The following SASH1 variants were observed in gnomAD, a reference collection of about 807,000 sequenced individuals.
The protein encoded by SASH1 is SAM and SH3 domain-containing protein 1.
SASH1 carries 44 observed loss-of-function variants against 125.2 expected under a neutral mutation model. The ratio of observed to expected loss-of-function variants is 0.35; its 90% CI spans 0.28 to 0.45. SASH1 has a LOEUF of 0.45. SASH1 is among the 20% of genes least tolerant of loss of function. The probability of loss-of-function intolerance (pLI) is 1.00; values close to 1 mark genes in which losing one functional copy is unlikely to be tolerated. For synonymous variants in SASH1, 639 were observed against 649.1 expected (o/e 0.98, Z 0.24); for missense variants, 1,426 against 1,614.5 (o/e 0.88, Z 2.00).
chr6:148,207,865 G>T, the SASH1 span, among the ~76,000 whole-genome samples: 2 of 152,148 alleles, frequency 1.3e-5, no homozygotes, highest in Non-Finnish European at 2.9e-5. Flanking sequence ...GCTTGAGCTG[G>T]CTTGAGTCCC....
At chr6:148,417,105 C>T (rs1784850826) in intron 2 of SASH1, among the ~76,000 whole-genome samples, 1 of 152,142 alleles carries the variant, frequency 6.6e-6, no homozygotes, top group Non-Finnish European at 1.5e-5. Flanking sequence ...AACCCCTGCC[C>T]TGGGAGAAGA....
chr6:148,288,149 G>A (rs190714377), intron 1 of SASH1, among the ~76,000 whole-genome samples: 35 of 145,874 alleles, frequency 2.4e-4, no homozygotes, highest in Middle Eastern at 3.6e-3. Context: ...GAAAACCCGC[G>A]GGCCCCAGCT....
chr6:148,266,808 C>T, the SASH1 span, among the ~76,000 whole-genome samples: 1 of 151,152 alleles, frequency 6.6e-6, no homozygotes, highest in Non-Finnish European at 1.5e-5. Flanking sequence ...GATGATGTCT[C>T]ACTATGTTGC....
chr6:148,513,220 G>GT (rs1339146321), intron 8 of SASH1: 2 of 985,238 alleles, frequency 2.0e-6, no homozygotes, highest in African/African-American at 3.5e-5. Context: ...GCTTGTTTTT[G>GT]TTTTGTGTGT....
chr6:148,412,723 C>T (rs1784676259), intron 2 of SASH1, among the ~76,000 whole-genome samples: 1 of 152,080 alleles, frequency 6.6e-6, no homozygotes, highest in East Asian at 1.9e-4. Context: ...GGGATCCACC[C>T]CCATGACCCA....
rs535839024 is a variant in SASH1, at chr6:148,546,082, G to A, written c.3416G>A (p.Arg1139Gln). Residue 1139 changes from arginine (R) to glutamine (Q), a missense_variant, in exon 19 of 20, where the codon CGG becomes CAG. By Grantham distance (43) the Arg-to-Gln change is conservative (BLOSUM62 1). Transcript: ENST00000367467. ...RYAEDLDQPERDVAANMDQIR... is the reference protein window; with the variant it reads ...RYAEDLDQPEQDVAANMDQIR... ...GCAGAGGACTTGGATCAGCCCGAGC[G>A]GGACGTCGCCGCCAACATGGACCAG... The A allele has an allele frequency of 2.9e-5, 47 of 1,614,128 alleles. No individual in the cohort carries two copies. The highest frequency in any genetic ancestry group is 1.6e-4 in the Middle Eastern group (1 of 6,084).
intron 1 of SASH1, among the ~76,000 whole-genome samples, chr6:148,308,865 C>T (rs988512664): frequency 5.3e-5 from 8 of 150,842 alleles, no homozygotes; most frequent in African/African-American, 1.7e-4. Flanking sequence ...GGGTGAATCA[C>T]CTGAGGTCAG....
chr6:148,246,087 C>T, the SASH1 span, among the ~76,000 whole-genome samples: 2 of 152,124 alleles, frequency 1.3e-5, no homozygotes, highest in Non-Finnish European at 2.9e-5. Context: ...TACATGCATG[C>T]TCAGACTTCA....
chr6:148,474,629 T>C (rs1226645642), intron 7 of SASH1, among the ~76,000 whole-genome samples: 1 of 152,226 alleles, frequency 6.6e-6, no homozygotes, highest in Non-Finnish European at 1.5e-5. Context: ...TGTAGTGCAG[T>C]GGTGCAATCA....
At chr6:148,300,995 T>C (rs1779926119) in intron 1 of SASH1, among the ~76,000 whole-genome samples, 2 of 152,036 alleles carry the variant, frequency 1.3e-5, no homozygotes, top group Admixed American at 6.6e-5. Context: ...TGCTCTGTCA[T>C]CCAAGCTGGA....
the SASH1 span, among the ~76,000 whole-genome samples, chr6:148,254,102 G>A: frequency 6.6e-6 from 1 of 151,996 alleles, no homozygotes; most frequent in East Asian, 1.9e-4. Flanking sequence ...AGCTACTTGG[G>A]AGGCTGAGGC....
chr6:148,289,676 G>C (rs1779574807), intron 1 of SASH1, among the ~76,000 whole-genome samples: 1 of 152,102 alleles, frequency 6.6e-6, no homozygotes, highest in South Asian at 2.1e-4. Flanking sequence ...TGAAATACAG[G>C]AATCTAAAAA....
intron 2 of SASH1, among the ~76,000 whole-genome samples, chr6:148,416,374 C>G (rs917836725): frequency 6.6e-6 from 1 of 151,860 alleles, no homozygotes; most frequent in African/African-American, 2.4e-5. Flanking sequence ...GCTGTACACT[C>G]TTTTTGAGGA....
intron 1 of SASH1, 121 bp downstream of exon 1, chr6:148,343,344 G>C: frequency 1.1e-6 from 1 of 883,180 alleles, no homozygotes; most frequent in Non-Finnish European, 1.7e-6. Flanking sequence ...TCCTTCTCTG[G>C]CTCTAGTTCT....
Position 148,549,796 on chromosome 6 carries a change from A to T in SASH1, c.*1238A>T, listed in dbSNP as rs573344147. 126 of 378,240 alleles carry T rather than the reference A, an allele frequency of 3.3e-4. No homozygotes were observed. Among genetic ancestry groups the T allele is most frequent in the African/African-American group, 2.5e-3 (119 of 48,188 alleles). The allele number at this position is 378,240 out of a possible 1,614,324, so 23.4% of individuals were successfully genotyped here. A position where few individuals can be genotyped will look rare whatever the true frequency, so the allele number is the denominator to read the frequency against. ...GCTACTTTAAATTGTTTTACAACTG[A>T]TTTCAGCACATTCTATCCTTTTTTT... is the stretch of plus-strand genomic sequence containing the variant. On this transcript the variant is annotated 3_prime_UTR_variant, in exon 20 of 20. Transcript: ENST00000367467.
chr6:148,215,499 T>G, the SASH1 span, among the ~76,000 whole-genome samples: 6 of 152,278 alleles, frequency 3.9e-5, no homozygotes, highest in East Asian at 9.7e-4. Flanking sequence ...ACTCTGGGCT[T>G]CTTCTGTTTG....
intron 8 of SASH1, among the ~76,000 whole-genome samples, chr6:148,504,916 A>G (rs997684763): frequency 2.0e-5 from 3 of 152,150 alleles, no homozygotes; most frequent in African/African-American, 7.2e-5. Context: ...CCATCCTCTT[A>G]GGACACTCTC....
At chr6:148,193,835 AT>A in the SASH1 span, among the ~76,000 whole-genome samples, 1 of 152,164 alleles carries the variant, frequency 6.6e-6, no homozygotes. Flanking sequence ...TTCTAATTCT[AT>A]TGATGAAGAA....
intron 13 of SASH1, 35 bp downstream of exon 13, chr6:148,531,696 TG>T: frequency 1.4e-6 from 2 of 1,468,388 alleles, no homozygotes; most frequent in Non-Finnish European, 1.8e-6. Context: ...TTATTTTCTT[TG>T]GAGTTAATAT....
Sources: gnomAD v4.1 joint callset for allele counts (sites outside exome capture counted in the v4.1 genomes callset) on GRCh38, gnomAD v4.1.1 for gene constraint, MANE v1.5 for transcripts, NCBI Gene and HGNC (gene_info 2026-07-23, HGNC 2026-07-21) for gene names.